HEG1: variants seen among roughly 807,000 people sequenced by gnomAD.
HEG1 encodes the protein heart development protein with EGF like domains 1, also known as protein HEG homolog 1.
HEG1 carries 56 observed loss-of-function variants against 125.6 expected under a neutral mutation model. The observed-to-expected ratio is 0.45, with a 90% CI of 0.36 to 0.56. The LOEUF (loss-of-function observed/expected upper bound fraction) is 0.56, where lower values mean the gene tolerates loss of function less well. Ranked by LOEUF, HEG1 falls within the 20% of genes least tolerant of loss-of-function variation. The pLI is 0.00. For missense variants in HEG1, 1,523 were observed against 1,670.0 expected (o/e 0.91, Z 1.53); for synonymous variants, 644 against 668.5 (o/e 0.96, Z 0.57).
intron 9 of HEG1, 54 bp from the exon 10 acceptor site, chr3:125,002,369 C>A: frequency 6.8e-7 from 1 of 1,474,380 alleles, no homozygotes; most frequent in Non-Finnish European, 9.4e-7. Context: ...AAGCCTTGGA[C>A]CTAGAACCAG....
intron 12 of HEG1, among the ~76,000 whole-genome samples, chr3:124,996,682 T>C (rs10934705): frequency 0.27 from 41,671 of 152,050 alleles, 6,057 homozygotes; most frequent in African/African-American, 0.36. Context: ...GAAATATATT[T>C]TTATCTGTGA....
chr3:125,001,020 C>A (rs1253824165), intron 11 of HEG1, among the ~76,000 whole-genome samples: 2 of 152,244 alleles, frequency 1.3e-5, no homozygotes, highest in Non-Finnish European at 2.9e-5. Flanking sequence ...CAAAACTTCC[C>A]TTTTGAACTT....
intron 1 of HEG1, among the ~76,000 whole-genome samples, chr3:125,041,270 G>T (rs7621286): frequency 0.098 from 14,864 of 152,156 alleles, 1,663 homozygotes; most frequent in African/African-American, 0.27. Context: ...CCTCTCCAAA[G>T]GTGACCACTA....
rs574537235 is a variant in HEG1, at chr3:125,050,442, C to A, written c.316+5133G>T. 6.6e-5 allele frequency among the ~76,000 whole-genome samples: 10 copies of A among 152,324 alleles called. No individual in the cohort carries two copies. The South Asian group carries it at 1.9e-3, about 28-fold the overall frequency. Reference sequence around the variant, plus strand: ...TACAGGCGTGAGCCATCATGCCCAGCCCATCCTCCACCTCCCTGTCTATCC... The same window carrying A: ...TACAGGCGTGAGCCATCATGCCCAGACCATCCTCCACCTCCCTGTCTATCC... On this transcript the variant is annotated intron_variant, in intron 1 of 16. Transcript: ENST00000311127.
chr3:125,039,527 G>A (rs1937575203), intron 1 of HEG1, among the ~76,000 whole-genome samples: 1 of 152,048 alleles, frequency 6.6e-6, no homozygotes, highest in Admixed American at 6.5e-5. Context: ...ACAAGCTTCT[G>A]GGGCACACAA....
At chr3:124,977,445 G>T (rs900823642) in intron 15 of HEG1, among the ~76,000 whole-genome samples, 3 of 152,122 alleles carry the variant, frequency 2.0e-5, no homozygotes, top group African/African-American at 7.2e-5. Flanking sequence ...AGTTGTAAGA[G>T]TTCCTTCTAT....
chr3:125,045,949 G>A (rs2107713545), intron 1 of HEG1, among the ~76,000 whole-genome samples: 1 of 152,252 alleles, frequency 6.6e-6, no homozygotes, highest in Middle Eastern at 3.4e-3. Flanking sequence ...ACATTGCTCT[G>A]TCCAGTTACA....
At position 125,013,848 on chromosome 3, in the gene HEG1, G is replaced by A. The variant is rs748522026; in HGVS notation, c.1731C>T (p.Ser577=). The change falls in exon 6 of 17, where the codon TCC becomes TCT. Residue 577 remains serine, a synonymous_variant. Transcript: ENST00000311127. ...ALLSITDNSS[S]SDIVESSTSY... The stretch of plus-strand genomic sequence containing the variant: ...AAGTTGAGCTCTCCACAATGTCTGA[G>A]GATGAACTGTTATCTGTAATGGACA... 2 of 1,613,912 alleles carry A rather than the reference G, an allele frequency of 1.2e-6. No individual in the cohort carries two copies.
intron 8 of HEG1, among the ~76,000 whole-genome samples, chr3:125,007,240 T>G (rs184557536): frequency 4.0e-4 from 60 of 151,166 alleles, no homozygotes; most frequent in African/African-American, 1.4e-3. Context: ...ATCGCAAATG[T>G]CAGGTACGTA....
chr3:124,995,821 C>T (rs1287827896), intron 12 of HEG1, among the ~76,000 whole-genome samples: 2 of 152,226 alleles, frequency 1.3e-5, no homozygotes, highest in South Asian at 4.1e-4. Context: ...TCAGCACACT[C>T]GGTAAATCTT....
chr3:124,977,507 T>C (rs930184786), intron 15 of HEG1, among the ~76,000 whole-genome samples: 1 of 152,226 alleles, frequency 6.6e-6, no homozygotes, highest in African/African-American at 2.4e-5. Flanking sequence ...TATTTTCTCA[T>C]GCAACCCATA....
Position 125,013,214 on chromosome 3 carries a change from C to T in HEG1, c.2365G>A (p.Val789Ile), listed in dbSNP as rs759527668. 4 of 1,613,998 alleles carry T rather than the reference C, an allele frequency of 2.5e-6. No homozygotes were observed. The East Asian group carries it at 6.7e-5, about 27-fold the overall frequency. ...CTTGGTGACTTTGATTCTGTAATGA[C>T]TTTCTCTTGGTGTGGGGTGCTCTGG... Reference protein sequence around the residue: ...KSQSTPHQEKVITESKSPSLV... With the variant: ...KSQSTPHQEKIITESKSPSLV... Residue 789 changes from valine to isoleucine, a missense_variant, in exon 6 of 17, where the codon GTC (valine) becomes ATC (isoleucine). Transcript: ENST00000311127.
chr3:125,055,624 G>T lies in HEG1; in HGVS notation c.267C>A (p.Ala89=). The T allele has an allele frequency of 6.6e-6, 8 of 1,203,494 alleles. No individual in the cohort carries two copies. Among genetic ancestry groups the T allele is most frequent in the Non-Finnish European group, 7.2e-6 (7 of 969,488 alleles). 74.6% of individuals were successfully genotyped at this position (1,203,494 alleles called of 1,614,324 possible). A position where few individuals can be genotyped will look rare whatever the true frequency, so the allele number is the denominator to read the frequency against. Residue 89 remains alanine, a synonymous_variant, in exon 1 of 17, where the codon GCC becomes GCA. Transcript: ENST00000311127. ...GPSYRAPEPG[A]ATQRGPSGRA... is the part of the protein sequence containing the mutation. ...GGCCGGAGGGTCCCCGCTGTGTCGC[G>T]GCGCCTGGCTCAGGGGCCCTGTAGC...
rs1297577176 is a variant in HEG1, at chr3:125,009,801, G to T, written c.3097C>A (p.Pro1033Thr). The T allele has an allele frequency of 6.2e-7, 1 of 1,613,354 alleles. No homozygotes were observed. The highest frequency in any genetic ancestry group is 8.5e-7 in the Non-Finnish European group (1 of 1,179,636). Residue 1033 changes from proline (P) to threonine (T), a missense_variant, in exon 8 of 17, where the codon CCC becomes ACC. By Grantham distance (38) the Pro-to-Thr change is conservative. Transcript: ENST00000311127. ...SVDVNECLSN[P>T]CPSTAMCNNT... ...TTGCACATGGCTGTGGATGGGCAGGGGTTCGACAGGCACTCATTCACATCT... is the reference window on the plus strand; with the variant it reads ...TTGCACATGGCTGTGGATGGGCAGGTGTTCGACAGGCACTCATTCACATCT...
In HEG1 at chr3:125,055,666, G is replaced by C. The variant is rs1937921362; in HGVS notation, c.225C>G (p.Pro75=). The part of the protein sequence containing the change: ...PPTPPRERRG[P]ATPGPSYRAP... ...CCCTGTAGCTGGGGCCGGGGGTCGC[G>C]GGCCCGCGGCGCTCCCGGGGCGGCG... The change falls in exon 1 of 17, where the codon CCC becomes CCG. Residue 75 remains proline, a synonymous_variant. Transcript: ENST00000311127. The C allele has an allele frequency of 8.6e-7, 1 of 1,166,162 alleles. No homozygotes were observed. Among genetic ancestry groups the C allele is most frequent in the East Asian group, 3.9e-5 (1 of 25,918 alleles). The allele number at this position is 1,166,162 out of a possible 1,614,324, so 72.2% of individuals were successfully genotyped here.
chr3:125,013,005 G>C lies in HEG1; in HGVS notation c.2574C>G (p.Gly858=), dbSNP rs1441524733. 6.2e-7 allele frequency: 1 copy of C among 1,614,076 alleles called. No individual in the cohort carries two copies. The highest frequency in any genetic ancestry group is 8.5e-7 in the Non-Finnish European group (1 of 1,179,904). ...CCAGAGATGCTGTGCTTGACAGGGT[G>C]CCAGGAGTGGTCATAAGAGGCTGAG... is the stretch of plus-strand genomic sequence containing the variant. ...KTSQPLMTTP[G]TLSSTASLVT... Residue 858 remains glycine, a synonymous_variant, in exon 6 of 17, where the codon GGC becomes GGG. Coordinates refer to ENST00000311127, the MANE Select transcript of HEG1 (RefSeq NM_020733.2).
intron 5 of HEG1, among the ~76,000 whole-genome samples, chr3:125,016,164 A>G (rs1404013199): frequency 1.3e-5 from 2 of 152,204 alleles, no homozygotes; most frequent in Non-Finnish European, 2.9e-5. Context: ...TAGGCCAATG[A>G]CCACATCAGG....
At chr3:125,049,249 A>G (rs1296170364) in intron 1 of HEG1, among the ~76,000 whole-genome samples, 1 of 152,206 alleles carries the variant, frequency 6.6e-6, no homozygotes, top group African/African-American at 2.4e-5. Context: ...GAAAGCAGAA[A>G]TATGTTAACT....
intron 14 of HEG1, among the ~76,000 whole-genome samples, chr3:124,984,057 G>A (rs1936698810): frequency 1.3e-5 from 2 of 152,142 alleles, no homozygotes; most frequent in Admixed American, 1.3e-4. Context: ...CCAGATGTTT[G>A]TTCTGAGTGA....
Sources: allele counts gnomAD v4.1 joint callset (sites outside exome capture counted in the v4.1 genomes callset), GRCh38; gene constraint gnomAD v4.1.1; transcripts MANE v1.5; gene names NCBI Gene and HGNC (gene_info 2026-07-23, HGNC 2026-07-21).